The following VWA7 variants were observed in gnomAD, a reference collection of about 807,000 sequenced individuals.
VWA7 encodes von Willebrand factor A domain-containing protein 7.
VWA7 carries 66 observed loss-of-function variants against 83.1 expected under a neutral mutation model. The observed-to-expected ratio is 0.79, with a 90% CI of 0.65 to 0.98. The LOEUF (loss-of-function observed/expected upper bound fraction) is 0.98. Ranked by LOEUF, VWA7 falls within the 50% of genes least tolerant of loss-of-function variation. VWA7 has a pLI of 0.00. For synonymous variants in VWA7, 424 were observed against 488.5 expected (o/e 0.87, Z 1.74); for missense variants, 1,080 against 1,160.2 (o/e 0.93, Z 1.00).
At position 31,775,093 on chromosome 6, in the gene VWA7, G is replaced by A. The variant is rs1812560691; in HGVS notation, c.610+240C>T. ...AGAAGGCCCCATGGGAGTCAGTGCG[G>A]GGAGGAAGCCACACTTAAGACGGGA... On this transcript the variant is annotated intron_variant, in intron 4 of 16. Transcript: ENST00000375688. The surrounding 1 kb of genome is among the most constrained non-coding windows in gnomAD (Gnocchi z 5.9). Among the ~76,000 whole-genome samples the A allele has an allele frequency of 1.3e-5, 2 of 152,164 alleles. No individual in the cohort carries two copies. The highest frequency in any genetic ancestry group is 1.3e-4 in the Admixed American group (2 of 15,272).
chr6:31,775,503 C>A lies in VWA7; in HGVS notation c.514-74G>T. The A allele has an allele frequency of 1.5e-6, 2 of 1,373,862 alleles. No homozygotes were observed. The highest frequency in any genetic ancestry group is 1.3e-5 in the South Asian group (1 of 76,948). The allele number at this position is 1,373,862 out of a possible 1,614,324, so 85.1% of individuals were successfully genotyped here. ...CTCACCATCTCCAGCACTAATATGC[C>A]ACTCCTTTGAGTTCCCCATCCCGAA... On this transcript the variant is annotated intron_variant, in intron 3 of 16. Transcript: ENST00000375688. This position sits in a 1 kb window ranked among gnomAD's most constrained non-coding sequence, Gnocchi z 5.9.
At position 31,766,579 on chromosome 6, in the gene VWA7, T is replaced by C; in HGVS notation, c.2068A>G (p.Thr690Ala). The C allele has an allele frequency of 6.2e-7, 1 of 1,612,888 alleles. No homozygotes were observed. The highest frequency in any genetic ancestry group is 1.1e-5 in the South Asian group (1 of 91,076). Reference protein sequence around the residue: ...RGLLAASLSPTLLSTPRPFSL... With the variant: ...RGLLAASLSPALLSTPRPFSL... ...AAGGGTCTAGGGGTGGACAGCAGCG[T>C]GGGCGACAGCGAGGCTGCGAGGAGA... Residue 690 changes from threonine to alanine, a missense_variant, in exon 14 of 17, where the codon ACG becomes GCG. By Grantham distance (58) the Thr-to-Ala change is moderately conservative. Transcript: ENST00000375688. The surrounding 1 kb of genome is among the most constrained non-coding windows in gnomAD (Gnocchi z 4.9).
rs762911248 is a variant in VWA7 at position 31,777,150 on chromosome 6, C to A, written c.-57G>T. The stretch of plus-strand genomic sequence containing the variant: ...CTGGGCAGGGCTGGCCCGGGCTTGA[C>A]GTCACAGGGCACTTAGGTCAGAGTT... On this transcript the variant is annotated 5_prime_UTR_variant, in exon 1 of 17. Coordinates refer to ENST00000375688, the MANE Select transcript of VWA7 (RefSeq NM_025258.3). This position sits in a 1 kb window ranked among gnomAD's most constrained non-coding sequence, Gnocchi z 5.8. 1 of 353,142 alleles carries A rather than the reference C, an allele frequency of 2.8e-6. No individual in the cohort carries two copies. The highest frequency in any genetic ancestry group is 2.1e-5 in the African/African-American group (1 of 47,918). The allele number at this position is 353,142 out of a possible 1,614,324, so 21.9% of individuals were successfully genotyped here.
At chr6:31,768,892 TC>T in intron 10 of VWA7, 125 bp downstream of exon 10, 1 of 1,109,748 alleles carries the variant, frequency 9.0e-7, no homozygotes, top group Non-Finnish European at 1.2e-6. Context: ...AAGAGAAACT[TC>T]CTTTCCTGCC....
rs1339394688 is a variant in VWA7, at chr6:31,775,307, C to T, written c.610+26G>A. 2 of 1,594,376 alleles carry T rather than the reference C, an allele frequency of 1.3e-6. No homozygotes were observed. The highest frequency in any genetic ancestry group is 1.7e-6 in the Non-Finnish European group (2 of 1,168,200). ...ACTGAGGTGGCCCTGTGGACTCCTG[C>T]CTCACCACCAGGGTCACAGCCATAC... On this transcript the variant is annotated intron_variant, in intron 4 of 16. Transcript: ENST00000375688. The surrounding 1 kb of genome is among the most constrained non-coding windows in gnomAD (Gnocchi z 5.9).
chr6:31,776,904 C>A lies in VWA7; in HGVS notation c.-15-110G>T. On this transcript the variant is annotated intron_variant, in intron 1 of 16. Coordinates refer to ENST00000375688, the MANE Select transcript of VWA7 (RefSeq NM_025258.3). The surrounding 1 kb of genome is among the most constrained non-coding windows in gnomAD (Gnocchi z 6.2). ...CTTTACCTCAAAAGTCGTGTCTGCT[C>A]CAGCCTGGCTTCCCCACCCTCTCGC... 1 of 592,424 alleles carries A rather than the reference C, an allele frequency of 1.7e-6. No individual in the cohort carries two copies. Among genetic ancestry groups the A allele is most frequent in the South Asian group, 3.1e-5 (1 of 31,862 alleles). 36.7% of individuals were successfully genotyped at this position (592,424 alleles called of 1,614,324 possible).
In VWA7 at chr6:31,766,725, C is replaced by T; in HGVS notation, c.1922G>A (p.Gly641Asp). The T allele has an allele frequency of 6.2e-7, 1 of 1,610,504 alleles. No homozygotes were observed. Among genetic ancestry groups the T allele is most frequent in the Non-Finnish European group, 8.5e-7 (1 of 1,178,120 alleles). ...AGGATCCCCAGGATTGGCTCTGGAA[C>T]CCAACCCTGTCACTTCTACCAGCAG... The part of the protein sequence containing the change: ...TQLLVEVTGL[G>D]SRANPGDPQP... The change falls in exon 14 of 17, where the codon GGT becomes GAT. Residue 641 changes from glycine to aspartate, a missense_variant. By Grantham distance (94) the Gly-to-Asp change is moderately conservative. Coordinates refer to ENST00000375688, the MANE Select transcript of VWA7 (RefSeq NM_025258.3). The surrounding 1 kb of genome is among the most constrained non-coding windows in gnomAD (Gnocchi z 4.9).
At position 31,775,410 on chromosome 6, in the gene VWA7, T is replaced by C. The variant is rs745626537; in HGVS notation, c.533A>G (p.Asn178Ser). Reference protein sequence around the residue: ...HALQDFYSHSNWVELGEQQPH... With the variant: ...HALQDFYSHSSWVELGEQQPH... ...CTGCTGCTCGCCCAGCTCCACCCAG[T>C]TGCTATGACTGTAGAAATCCTGGTC... is the stretch of plus-strand genomic sequence containing the variant. Residue 178 changes from asparagine to serine, a missense_variant, in exon 4 of 17, where the codon AAC becomes AGC. Coordinates refer to ENST00000375688, the MANE Select transcript of VWA7 (RefSeq NM_025258.3). The surrounding 1 kb of genome is among the most constrained non-coding windows in gnomAD (Gnocchi z 5.9). 11 of 1,612,076 alleles carry C rather than the reference T, an allele frequency of 6.8e-6. No individual in the cohort carries two copies. The highest frequency in any genetic ancestry group is 8.5e-6 in the Non-Finnish European group (10 of 1,179,636).
At position 31,766,860 on chromosome 6, in the gene VWA7, G is replaced by A. The variant is rs570686659; in HGVS notation, c.1883-96C>T. 1 of 1,366,770 alleles carries A rather than the reference G, an allele frequency of 7.3e-7. No homozygotes were observed. The highest frequency in any genetic ancestry group is 1.5e-5 in the South Asian group (1 of 68,930). The allele number at this position is 1,366,770 out of a possible 1,614,324, so 84.7% of individuals were successfully genotyped here. ...TCAAAATAGGGGTTCCCTCTGGGGA[G>A]TATGGATGGGAAAATAGGTTACCTT... On this transcript the variant is annotated intron_variant, in intron 13 of 16. Transcript: ENST00000375688. The surrounding 1 kb of genome is among the most constrained non-coding windows in gnomAD (Gnocchi z 4.9).
Position 31,766,339 on chromosome 6 carries a change from G to A in VWA7, c.2230C>T (p.Leu744Phe). 1.2e-6 allele frequency: 2 copies of A among 1,608,924 alleles called. No homozygotes were observed. Among genetic ancestry groups the A allele is most frequent in the Non-Finnish European group, 1.7e-6 (2 of 1,178,488 alleles). The change falls in exon 15 of 17, where the codon CTC (leucine) becomes TTC (phenylalanine). Residue 744 changes from leucine to phenylalanine, a missense_variant. Physicochemically the swap from Leu to Phe is conservative, Grantham distance 22. Transcript: ENST00000375688. The surrounding 1 kb of genome is among the most constrained non-coding windows in gnomAD (Gnocchi z 4.9). Reference protein sequence around the residue: ...GFLAPGSKVPLSLRIASFSGP... With the variant: ...GFLAPGSKVPFSLRIASFSGP... Reference sequence around the variant, plus strand: ...GAGAAGCTGGCGATGCGGAGACTGAGCGGGACTTTGCTGCCCGGGGCCAAG... The same window carrying A: ...GAGAAGCTGGCGATGCGGAGACTGAACGGGACTTTGCTGCCCGGGGCCAAG...
Position 31,766,422 on chromosome 6 carries a change from ACTCT to A in VWA7, c.2184+37_2185-39del. On this transcript the variant is annotated intron_variant, in intron 14 of 16. Transcript: ENST00000375688. The surrounding 1 kb of genome is among the most constrained non-coding windows in gnomAD (Gnocchi z 4.9). The stretch of plus-strand genomic sequence containing the variant: ...GTTCTTCAGGGAAGGGGCCGCTCTA[ACTCT>A]CTCCAGCCCCAGCCGCACTTTCCCC... 1 of 1,578,274 alleles carries A rather than the reference ACTCT, an allele frequency of 6.3e-7. No individual in the cohort carries two copies. Among genetic ancestry groups the A allele is most frequent in the Non-Finnish European group, 8.6e-7 (1 of 1,162,302 alleles).
chr6:31,772,579 C>CTTT (rs1330466630), intron 7 of VWA7, among the ~76,000 whole-genome samples: 4 of 71,992 alleles, frequency 5.6e-5, no homozygotes, highest in South Asian at 4.0e-4. Flanking sequence ...TTTTTTCTTT[C>CTTT]TTTTCTTTTT....
chr6:31,765,680 T>C lies in VWA7; in HGVS notation c.2590A>G (p.Arg864Gly). ...CCCGCAGCCAGCCCTGCCCCAGCCC[T>C]GCCTTGAGTCACCAATGTGAAGGGG... is the stretch of plus-strand genomic sequence containing the variant. ...FSPFTLVTQG[R>G]AGAGLAAGSP... Residue 864 changes from arginine (R) to glycine (G), a missense_variant, in exon 17 of 17, where the codon AGG becomes GGG. Coordinates refer to ENST00000375688, the MANE Select transcript of VWA7 (RefSeq NM_025258.3). 2 of 1,603,434 alleles carry C rather than the reference T, an allele frequency of 1.2e-6. No individual in the cohort carries two copies. The highest frequency in any genetic ancestry group is 1.7e-6 in the Non-Finnish European group (2 of 1,175,324).
At chr6:31,774,414 A>G (rs1241795733) in intron 5 of VWA7, 102 bp downstream of exon 5, 1 of 1,107,588 alleles carries the variant, frequency 9.0e-7, no homozygotes, top group Non-Finnish European at 1.3e-6. Flanking sequence ...CTCTCCTCCT[A>G]GGAGGAGATG....
intron 7 of VWA7, chr6:31,771,684 T>C (rs1480964616): frequency 6.6e-6 from 1 of 152,036 alleles, no homozygotes; most frequent in Non-Finnish European, 1.5e-5. Flanking sequence ...TCTCTGTCTA[T>C]AGGAAATGGA....
intron 13 of VWA7, 73 bp downstream of exon 13, chr6:31,767,085 T>A (rs1460406201): frequency 1.5e-5 from 5 of 343,446 alleles, no homozygotes; most frequent in African/African-American, 8.8e-5. Flanking sequence ...ATATATATAT[T>A]ATATATTATA....
At chr6:31,774,168 A>G (rs1258642834) in intron 5 of VWA7, among the ~76,000 whole-genome samples, 5 of 151,126 alleles carry the variant, frequency 3.3e-5, no homozygotes, top group African/African-American at 2.4e-5. Context: ...AAAAAAAAAA[A>G]AAAAAAAGGA....
In VWA7 at chr6:31,775,358, C is replaced by T. The variant is rs762616405; in HGVS notation, c.585G>A (p.Arg195=). 1 of 1,612,642 alleles carries T rather than the reference C, an allele frequency of 6.2e-7. No individual in the cohort carries two copies. The highest frequency in any genetic ancestry group is 8.5e-7 in the Non-Finnish European group (1 of 1,179,802). ...CTTGTGCCAGGTTCTGGAGCTCCTG[C>T]CTTGGCCAGAGGAGGTGAGGGTGTG... ...QQPHPHLLWP[R]QELQNLAQVA... The change falls in exon 4 of 17, where the codon AGG becomes AGA. Residue 195 remains arginine, a synonymous_variant. Transcript: ENST00000375688. This position sits in a 1 kb window ranked among gnomAD's most constrained non-coding sequence, Gnocchi z 5.9.
At chr6:31,767,826 G>T in intron 10 of VWA7, 72 bp from the exon 11 acceptor site, 1 of 1,530,726 alleles carries the variant, frequency 6.5e-7, no homozygotes, top group South Asian at 1.2e-5. Context: ...GAAGAAAGGG[G>T]AGATAGAAAG....
Sources: gnomAD v4.1 joint callset for allele counts (sites outside exome capture counted in the v4.1 genomes callset) on GRCh38, gnomAD v4.1.1 for gene constraint, Gnocchi (gnomAD v3.1) non-coding constraint, MANE v1.5 for transcripts, NCBI Gene and HGNC (gene_info 2026-07-23, HGNC 2026-07-21) for gene names.